Variants in LRRFIP1 observed in about 807,000 individuals in gnomAD.
The protein encoded by LRRFIP1 is LRR binding FLII interacting protein 1, also known as leucine-rich repeat flightless-interacting protein 1.
A neutral mutation model predicts 104.4 loss-of-function variants in LRRFIP1; 62 were observed. The observed-to-expected ratio is 0.59, with a 90% CI of 0.48 to 0.73. The LOEUF (loss-of-function observed/expected upper bound fraction) is 0.73, where lower values mean the gene tolerates loss of function less well. LRRFIP1 is among the 30% of genes least tolerant of loss of function. The probability of loss-of-function intolerance (pLI) is 0.00; values close to 1 mark genes in which losing one functional copy is unlikely to be tolerated. For missense variants in LRRFIP1, 796 were observed against 824.5 expected, an observed-to-expected ratio of 0.97 and a Z score of 0.42; for synonymous variants, 300 against 299.0, an observed-to-expected ratio of 1.00 and a Z score of -0.03.
intron 1 of LRRFIP1, among the ~76,000 whole-genome samples, chr2:237,694,181 T>C (rs1352280999): frequency 6.6e-6 from 1 of 152,230 alleles, no homozygotes; most frequent in Admixed American, 6.5e-5. Flanking sequence ...TTCTCTGCAG[T>C]CTTGTTGATG....
intron 1 of LRRFIP1, among the ~76,000 whole-genome samples, chr2:237,640,631 TC>T (rs1333901663): frequency 1.3e-5 from 2 of 151,920 alleles, no homozygotes; most frequent in Non-Finnish European, 2.9e-5. Flanking sequence ...ATTAAAACCG[TC>T]CCCATATCTC....
At chr2:237,663,741 G>T (rs572534314) in intron 1 of LRRFIP1, among the ~76,000 whole-genome samples, 2 of 152,354 alleles carry the variant, frequency 1.3e-5, no homozygotes, top group African/African-American at 4.8e-5. Context: ...GAACTGACTG[G>T]GTTGGTGGAG....
chr2:237,704,611 C>T (rs928286028), intron 1 of LRRFIP1, among the ~76,000 whole-genome samples: 11 of 152,144 alleles, frequency 7.2e-5, no homozygotes, highest in African/African-American at 2.7e-4. Flanking sequence ...AGGCAGATTC[C>T]AAGAATTGCC....
intron 4 of LRRFIP1, among the ~76,000 whole-genome samples, chr2:237,718,171 T>G (rs890687548): frequency 2.0e-5 from 3 of 152,238 alleles, no homozygotes; most frequent in African/African-American, 7.2e-5. Flanking sequence ...GCTTGAGAAC[T>G]TTCCAGAGAA....
chr2:237,651,713 T>G (rs1239390053), intron 1 of LRRFIP1, among the ~76,000 whole-genome samples: 5 of 152,258 alleles, frequency 3.3e-5, no homozygotes, highest in African/African-American at 2.4e-5. Flanking sequence ...ATTTAAAATT[T>G]TATATTAGCC....
intron 11 of LRRFIP1, among the ~76,000 whole-genome samples, chr2:237,745,869 A>G (rs777148093): frequency 3.9e-5 from 6 of 152,154 alleles, no homozygotes; most frequent in Non-Finnish European, 8.8e-5. Context: ...CTGGATTTTC[A>G]TATCCCACCA....
intron 23 of LRRFIP1, among the ~76,000 whole-genome samples, chr2:237,775,928 CTTTAT>C (rs2061051667): frequency 6.6e-6 from 1 of 151,802 alleles, no homozygotes; most frequent in Non-Finnish European, 1.5e-5. Flanking sequence ...TTTCTCTCCT[CTTTAT>C]TTTATTTATT....
In LRRFIP1 at chr2:237,717,737, A is replaced by C; in HGVS notation, c.202-25A>C. 1 of 1,585,764 alleles carries C rather than the reference A, an allele frequency of 6.3e-7. No homozygotes were observed. ...TTTTAAGAAATTTCACTTCTTGCCT[A>C]ATTTTCTTTCCCTTCTGTCTATAGA... is the stretch of plus-strand genomic sequence containing the variant. On this transcript the variant is annotated intron_variant, in intron 3 of 23. Transcript: ENST00000308482. This position sits in a 1 kb window ranked among gnomAD's most constrained non-coding sequence, Gnocchi z 4.2.
chr2:237,692,168 G>C (rs1195268862), intron 1 of LRRFIP1: 2 of 1,017,840 alleles, frequency 2.0e-6, no homozygotes, highest in Admixed American at 5.8e-5. Flanking sequence ...GGCGGGCCGT[G>C]GGACGGGCGG....
rs927921052 is a variant in LRRFIP1 at position 237,703,642 on chromosome 2, G to C, written c.97-4902G>C. Among the ~76,000 whole-genome samples the C allele has an allele frequency of 6.6e-6, 1 of 151,866 alleles. No individual in the cohort carries two copies. The highest frequency in any genetic ancestry group is 1.5e-5 in the Non-Finnish European group (1 of 67,970). On this transcript the variant is annotated intron_variant, in intron 1 of 23. Coordinates refer to ENST00000308482, the MANE Select transcript of LRRFIP1 (RefSeq NM_001137550.2). This position sits in a 1 kb window ranked among gnomAD's most constrained non-coding sequence, Gnocchi z 4.3. ...TGCCTTCCCCAGCCCCCCGGGGTTG[G>C]GTCAAGTTCTCCAGAGCAGCCCCCG...
chr2:237,704,382 G>T (rs45546536), intron 1 of LRRFIP1, among the ~76,000 whole-genome samples: 2 of 151,814 alleles, frequency 1.3e-5, no homozygotes, highest in Non-Finnish European at 2.9e-5. Context: ...TCAATCTCCC[G>T]ACCTCAGGTG....
At chr2:237,737,016 C>A (rs1007292288) in intron 10 of LRRFIP1, among the ~76,000 whole-genome samples, 1 of 152,202 alleles carries the variant, frequency 6.6e-6, no homozygotes, top group Non-Finnish European at 1.5e-5. Context: ...GGCCTGAGGT[C>A]CCAGCCCCAA....
chr2:237,653,368 A>G (rs1332912536), intron 1 of LRRFIP1, among the ~76,000 whole-genome samples: 2 of 152,244 alleles, frequency 1.3e-5, no homozygotes, highest in African/African-American at 4.8e-5. Context: ...AGAGACACAA[A>G]TAAATGTGAA....
intron 1 of LRRFIP1, among the ~76,000 whole-genome samples, chr2:237,666,247 G>A (rs982136842): frequency 6.6e-6 from 1 of 152,276 alleles, no homozygotes; most frequent in South Asian, 2.1e-4. Flanking sequence ...CACCTCAGTT[G>A]TCTGTAAATG....
At chr2:237,724,247 A>C (rs1329245255) in intron 7 of LRRFIP1, among the ~76,000 whole-genome samples, 1 of 152,332 alleles carries the variant, frequency 6.6e-6, no homozygotes, top group East Asian at 1.9e-4. Flanking sequence ...CTCAGCATTA[A>C]AGTGATTCGA....
In LRRFIP1 at chr2:237,711,454, G is replaced by T. The variant is rs1419442787; in HGVS notation, c.184-2805G>T. Among the ~76,000 whole-genome samples, 3 of 152,250 alleles carry T rather than the reference G, an allele frequency of 2.0e-5. No individual in the cohort carries two copies. Among genetic ancestry groups the T allele is most frequent in the African/African-American group, 7.2e-5 (3 of 41,462 alleles). On this transcript the variant is annotated intron_variant, in intron 2 of 23. Transcript: ENST00000308482. This position sits in a 1 kb window ranked among gnomAD's most constrained non-coding sequence, Gnocchi z 4.4. ...TTTGGTCTGTGCTCTCACCAGCAGG[G>T]ACCGGAGGAGGGGGTGGTGTCCCTT...
chr2:237,758,873 T>C, intron 18 of LRRFIP1, 52 bp downstream of exon 18: 1 of 1,368,644 alleles, frequency 7.3e-7, no homozygotes, highest in Non-Finnish European at 1.0e-6. Context: ...AAAATCCAGG[T>C]GACAACAGCA....
At chr2:237,660,976 C>T (rs921297457) in intron 1 of LRRFIP1, among the ~76,000 whole-genome samples, 2 of 152,166 alleles carry the variant, frequency 1.3e-5, no homozygotes, top group African/African-American at 4.8e-5. Context: ...AGGAAGCTCT[C>T]GGATCTCCTC....
chr2:237,627,801 C>G (rs1254556833), intron 1 of LRRFIP1, 61 bp downstream of exon 1: 2 of 1,031,614 alleles, frequency 1.9e-6, no homozygotes. Context: ...GGACGGCTGT[C>G]AGGGTCTCTC....
Sources: allele counts gnomAD v4.1 joint callset (sites outside exome capture counted in the v4.1 genomes callset), GRCh38; gene constraint gnomAD v4.1.1; non-coding constraint Gnocchi (gnomAD v3.1); transcripts MANE v1.5; gene names NCBI Gene and HGNC (gene_info 2026-07-23, HGNC 2026-07-21).